NRG3: variants seen among roughly 807,000 people sequenced by gnomAD.
The protein encoded by NRG3 is neuregulin 3, also known as pro-neuregulin-3, membrane-bound isoform.
In NRG3, 31 loss-of-function variants were observed where a neutral mutation model predicts 66.9. The ratio of observed to expected loss-of-function variants is 0.46; its 90% CI spans 0.35 to 0.63. NRG3 has a LOEUF of 0.63. NRG3 is among the 20% of genes least tolerant of loss of function. The probability of loss-of-function intolerance (pLI) is 0.00; values close to 1 mark genes in which losing one functional copy is unlikely to be tolerated. For synonymous variants in NRG3, 393 were observed against 359.4 expected, an observed-to-expected ratio of 1.09 and a Z score of -1.06; for missense variants, 910 against 878.9, an observed-to-expected ratio of 1.04 and a Z score of -0.45.
intron 2 of NRG3, among the ~76,000 whole-genome samples, chr10:82,365,294 A>G (rs2084451110): frequency 6.6e-6 from 1 of 152,178 alleles, no homozygotes; most frequent in Admixed American, 6.5e-5. Context: ...ATATCTATAA[A>G]TCCAGGCCAG....
At chr10:82,237,399 C>A (rs1033694862) in intron 1 of NRG3, among the ~76,000 whole-genome samples, 5 of 152,126 alleles carry the variant, frequency 3.3e-5, no homozygotes, top group African/African-American at 1.2e-4. Flanking sequence ...TTCTTAGAAT[C>A]CTGTTTTTCC....
chr10:82,961,662 C>T (rs557290805), intron 6 of NRG3, among the ~76,000 whole-genome samples: 8 of 152,268 alleles, frequency 5.3e-5, no homozygotes, highest in East Asian at 3.9e-4. Context: ...CGGTCATTGG[C>T]GCTGATGAAC....
At chr10:82,833,061 A>G (rs1346266683) in intron 3 of NRG3, among the ~76,000 whole-genome samples, 3 of 152,248 alleles carry the variant, frequency 2.0e-5, no homozygotes, top group Middle Eastern at 3.4e-3. Context: ...TGGTAGCTGT[A>G]TCACTTAGAA....
intron 1 of NRG3, among the ~76,000 whole-genome samples, chr10:81,994,646 A>C (rs1489651074): frequency 1.3e-5 from 2 of 152,126 alleles, no homozygotes; most frequent in African/African-American, 4.8e-5. Context: ...TCAAGTGATC[A>C]AGAATATGCT....
At chr10:82,142,722 A>G (rs1463251247) in intron 1 of NRG3, among the ~76,000 whole-genome samples, 1 of 150,806 alleles carries the variant, frequency 6.6e-6, no homozygotes. Context: ...AAGAGGTTCT[A>G]GAGTCAGCAA....
intron 1 of NRG3, among the ~76,000 whole-genome samples, chr10:82,320,427 AG>A (rs1379914703): frequency 1.3e-5 from 2 of 152,210 alleles, no homozygotes; most frequent in Non-Finnish European, 2.9e-5. Flanking sequence ...GGTCTATTTC[AG>A]ATCAATTTTT....
At chr10:82,697,955 T>G (rs540054885) in intron 2 of NRG3, among the ~76,000 whole-genome samples, 77 of 152,258 alleles carry the variant, frequency 5.1e-4, no homozygotes, top group African/African-American at 1.8e-3. Flanking sequence ...ACAGTTGCCC[T>G]GTCTTACGAA....
chr10:82,621,647 T>C (rs2049047744), intron 2 of NRG3, among the ~76,000 whole-genome samples: 1 of 152,098 alleles, frequency 6.6e-6, no homozygotes, highest in Non-Finnish European at 1.5e-5. Context: ...TGGGGGGAGA[T>C]AGTAAAAATA....
At chr10:82,201,225 G>C (rs1322698721) in intron 1 of NRG3, among the ~76,000 whole-genome samples, 1 of 149,676 alleles carries the variant, frequency 6.7e-6, no homozygotes, top group Admixed American at 6.6e-5. Flanking sequence ...AAAGACAGCT[G>C]TGGTTTCAGG....
intron 1 of NRG3, among the ~76,000 whole-genome samples, chr10:82,116,880 T>A (rs1417584727): frequency 2.0e-5 from 3 of 152,090 alleles, no homozygotes; most frequent in Non-Finnish European, 2.9e-5. Flanking sequence ...CTCTTCTCCT[T>A]CCAGACATCC....
chr10:82,347,872 A>C (rs879689697), intron 1 of NRG3, among the ~76,000 whole-genome samples: 49 of 151,916 alleles, frequency 3.2e-4, no homozygotes, highest in South Asian at 6.2e-4. Context: ...CTGTTTTATC[A>C]GAGACTAGGA....
At chr10:82,193,288 G>A (rs2074263418) in intron 1 of NRG3, among the ~76,000 whole-genome samples, 3 of 152,090 alleles carry the variant, frequency 2.0e-5, no homozygotes, top group Admixed American at 1.3e-4. Flanking sequence ...GATTACAGGT[G>A]TGTGCCACCA....
At chr10:82,322,991 A>C (rs564478711) in intron 1 of NRG3, among the ~76,000 whole-genome samples, 2 of 152,228 alleles carry the variant, frequency 1.3e-5, no homozygotes, top group African/African-American at 4.8e-5. Flanking sequence ...GATGAATACT[A>C]TGTTACTAAC....
At chr10:82,395,341 C>T (rs958054673) in intron 2 of NRG3, among the ~76,000 whole-genome samples, 1 of 152,134 alleles carries the variant, frequency 6.6e-6, no homozygotes, top group Non-Finnish European at 1.5e-5. Flanking sequence ...GAAAATTATA[C>T]AACCAATTCT....
At chr10:82,642,124 C>A (rs953008183) in intron 2 of NRG3, among the ~76,000 whole-genome samples, 3 of 152,132 alleles carry the variant, frequency 2.0e-5, no homozygotes, top group Admixed American at 2.0e-4. Context: ...TGAGCTGTTT[C>A]ACTTAAGATA....
chr10:82,834,202 T>C (rs567548308), intron 3 of NRG3, among the ~76,000 whole-genome samples: 1 of 152,276 alleles, frequency 6.6e-6, no homozygotes, highest in African/African-American at 2.4e-5. Context: ...TCGTCTCAGC[T>C]CTTGGCTCTT....
At chr10:82,333,997 G>C (rs1196685441) in intron 1 of NRG3, among the ~76,000 whole-genome samples, 4 of 152,052 alleles carry the variant, frequency 2.6e-5, no homozygotes, top group Non-Finnish European at 5.9e-5. Flanking sequence ...AGACCACGGT[G>C]AAACCCCGTC....
chr10:82,490,056 G>A (rs1167570191), intron 2 of NRG3, among the ~76,000 whole-genome samples: 2 of 152,166 alleles, frequency 1.3e-5, no homozygotes, highest in African/African-American at 4.8e-5. Context: ...TTTACTGCCA[G>A]TCTATTTGAT....
In NRG3 at chr10:82,660,270, A is replaced by T. The variant is rs572034581; in HGVS notation, c.954-78307A>T. On this transcript the variant is annotated intron_variant, in intron 2 of 8. Coordinates refer to ENST00000372141, the MANE Select transcript of NRG3 (RefSeq NM_001010848.4). ...AAAGAAATAAAGTGACTACTGCAATAGATAAAATAAATTGCCCAGCTGCCT... is the reference window on the plus strand; with the variant it reads ...AAAGAAATAAAGTGACTACTGCAATTGATAAAATAAATTGCCCAGCTGCCT... Among the ~76,000 whole-genome samples the T allele has an allele frequency of 4.3e-4, 64 of 149,298 alleles. 2 individuals are homozygous for T. In the South Asian group the frequency reaches 0.012, roughly 29 times the overall value.
Sources: gnomAD v4.1 joint callset for allele counts (sites outside exome capture counted in the v4.1 genomes callset) on GRCh38, gnomAD v4.1.1 for gene constraint, MANE v1.5 for transcripts, NCBI Gene and HGNC (gene_info 2026-07-23, HGNC 2026-07-21) for gene names.